SLA2: variants seen among roughly 807,000 people sequenced by gnomAD.
SLA2 encodes the protein Src like adaptor 2.
SLA2 carries 22 observed loss-of-function variants against 27.3 expected under a neutral mutation model. The observed-to-expected ratio is 0.81, with a 90% CI of 0.58 to 1.15. The LOEUF is 1.15. Ranked by LOEUF, SLA2 falls within the 50% of genes most tolerant of loss-of-function variation. SLA2 has a pLI of 0.00. For synonymous variants in SLA2, 131 were observed against 137.8 expected (o/e 0.95, Z 0.34); for missense variants, 304 against 322.2 (o/e 0.94, Z 0.43).
intron 7 of SLA2, 114 bp downstream of exon 7, chr20:36,614,191 C>T: frequency 6.4e-7 from 1 of 1,562,228 alleles, no homozygotes; most frequent in African/African-American, 1.4e-5. Context: ...ACTCTGGCTC[C>T]AGCTGCCAGG....
rs1401333058 is a variant in SLA2 at position 36,646,124 on chromosome 20, G to C, written c.-331C>G. The stretch of plus-strand genomic sequence containing the variant: ...CTCCCAAGCACAGCCGAGCCAGGGA[G>C]GGAAGGCCCAGGGCCCTTTGAGCTC... On this transcript the variant is annotated 5_prime_UTR_variant, in exon 1 of 8. Coordinates refer to ENST00000262866, the MANE Select transcript of SLA2 (RefSeq NM_032214.4). 1.3e-5 allele frequency: 2 copies of C among 152,310 alleles called. No homozygotes were observed. Among genetic ancestry groups the C allele is most frequent in the African/African-American group, 4.8e-5 (2 of 41,458 alleles). The allele number at this position is 152,310 out of a possible 1,614,324, so 9.4% of individuals were successfully genotyped here. A position where few individuals can be genotyped will look rare whatever the true frequency, so the allele number is the denominator to read the frequency against.
rs142255961 is a variant in SLA2 at position 36,643,844 on chromosome 20, C to T, written c.-44+1993G>A. Among the ~76,000 whole-genome samples, 175 of 152,132 alleles carry T rather than the reference C, an allele frequency of 1.2e-3. 1 individual carries two copies. The highest frequency in any genetic ancestry group is 6.8e-3 in the Middle Eastern group (2 of 292). On this transcript the variant is annotated intron_variant, in intron 1 of 7. Transcript: ENST00000262866. ...GTGGGTACCTGTAATCCCAGCTACT[C>T]GGGAGACCGAGGCAAAAGAATCACT...
At chr20:36,616,133 A>T (rs2039207113) in intron 5 of SLA2, among the ~76,000 whole-genome samples, 1 of 152,108 alleles carries the variant, frequency 6.6e-6, no homozygotes, top group Admixed American at 6.6e-5. Context: ...AAGAAAAGCA[A>T]CTGAATGATT....
At position 36,621,426 on chromosome 20, in the gene SLA2, A is replaced by G. The variant is rs2039281075; in HGVS notation, c.383-6052T>C. 3 of 533,668 alleles carry G rather than the reference A, an allele frequency of 5.6e-6. No individual in the cohort carries two copies. The East Asian group carries it at 1.4e-4, about 25-fold the overall frequency. The allele number at this position is 533,668 out of a possible 1,614,324, so 33.1% of individuals were successfully genotyped here. ...GATATAGTAGCAGAAGGTTCTAAAAACAGCAGAAAAAGGCTATAGTGTTGT... is the reference window on the plus strand; with the variant it reads ...GATATAGTAGCAGAAGGTTCTAAAAGCAGCAGAAAAAGGCTATAGTGTTGT... On this transcript the variant is annotated intron_variant, in intron 5 of 7. Coordinates refer to ENST00000262866, the MANE Select transcript of SLA2 (RefSeq NM_032214.4).
At chr20:36,639,807 G>T (rs1211728288) in intron 2 of SLA2, among the ~76,000 whole-genome samples, 1 of 151,792 alleles carries the variant, frequency 6.6e-6, no homozygotes, top group Non-Finnish European at 1.5e-5. Context: ...CTTGCAGTCA[G>T]CCAAGACTGT....
intron 2 of SLA2, among the ~76,000 whole-genome samples, chr20:36,638,493 T>G (rs985638378): frequency 1.3e-5 from 2 of 151,992 alleles, no homozygotes; most frequent in African/African-American, 4.8e-5. Flanking sequence ...CACGCCCGGC[T>G]AGTTTTTGTA....
At chr20:36,623,596 C>T (rs1470309443) in intron 5 of SLA2, among the ~76,000 whole-genome samples, 2 of 152,114 alleles carry the variant, frequency 1.3e-5, no homozygotes, top group Non-Finnish European at 2.9e-5. Context: ...AGTAGGGTCT[C>T]TGCTTCGTTT....
chr20:36,626,253 G>A (rs751869084), intron 5 of SLA2, among the ~76,000 whole-genome samples: 3 of 152,020 alleles, frequency 2.0e-5, no homozygotes, highest in African/African-American at 4.8e-5. Flanking sequence ...TTAGCTGGGC[G>A]TGGTGGCACG....
At chr20:36,639,860 CAAAAA>C (rs112908435) in intron 2 of SLA2, among the ~76,000 whole-genome samples, 1 of 130,962 alleles carries the variant, frequency 7.6e-6, no homozygotes, top group Non-Finnish European at 1.6e-5. Context: ...GACTCCGTCT[CAAAAA>C]AAAAAAGAAC....
At chr20:36,623,867 G>C (rs2039310074) in intron 5 of SLA2, among the ~76,000 whole-genome samples, 1 of 152,100 alleles carries the variant, frequency 6.6e-6, no homozygotes, top group African/African-American at 2.4e-5. Flanking sequence ...GGCTGGGAAT[G>C]CGCTAAATAT....
chr20:36,634,399 T>A, intron 3 of SLA2, 91 bp downstream of exon 3: 1 of 988,778 alleles, frequency 1.0e-6, no homozygotes, highest in East Asian at 2.7e-5. Context: ...TTCTCCCACC[T>A]AAGCCTCCCA....
chr20:36,637,193 ATTTTT>A (rs1175945445), intron 2 of SLA2, among the ~76,000 whole-genome samples: 1 of 87,966 alleles, frequency 1.1e-5, no homozygotes, highest in Non-Finnish European at 2.2e-5. Context: ...GCGTGTGTGT[ATTTTT>A]TTTTTTTTTT....
chr20:36,638,467 T>TAC (rs2039475334), intron 2 of SLA2, among the ~76,000 whole-genome samples: 1 of 152,004 alleles, frequency 6.6e-6, no homozygotes. Flanking sequence ...TAGCTGGGAC[T>TAC]ACAGGTGCAT....
At chr20:36,622,166 A>T (rs2039289808) in intron 5 of SLA2, among the ~76,000 whole-genome samples, 1 of 150,198 alleles carries the variant, frequency 6.7e-6, no homozygotes, top group Non-Finnish European at 1.5e-5. Flanking sequence ...AGCCAAGATC[A>T]TGCCACTGCA....
intron 5 of SLA2, among the ~76,000 whole-genome samples, chr20:36,619,091 G>C (rs887387313): frequency 4.0e-5 from 6 of 151,210 alleles, no homozygotes; most frequent in Admixed American, 4.0e-4. Flanking sequence ...AGCCAGGCTT[G>C]GTGCCAGTAA....
In SLA2 at chr20:36,612,748, G is replaced by T; in HGVS notation, c.*1118C>A. On this transcript the variant is annotated 3_prime_UTR_variant, in exon 8 of 8. Transcript: ENST00000262866. ...AAGGGCTGGATTTGGTGTAGGCTGT[G>T]GTCTCCGTCTTGGCATTGTGGAGAG... 5.2e-6 allele frequency: 1 copy of T among 194,146 alleles called. No homozygotes were observed. The highest frequency in any genetic ancestry group is 1.1e-5 in the Non-Finnish European group (1 of 91,926). The allele number at this position is 194,146 out of a possible 1,614,324, so 12.0% of individuals were successfully genotyped here. A position where few individuals can be genotyped will look rare whatever the true frequency, so the allele number is the denominator to read the frequency against.
intron 5 of SLA2, among the ~76,000 whole-genome samples, chr20:36,619,526 A>C (rs866068836): frequency 4.7e-5 from 7 of 148,894 alleles, no homozygotes; most frequent in Non-Finnish European, 1.0e-4. Flanking sequence ...ACTCTGTGTC[A>C]AAAAAAAAAT....
chr20:36,627,944 ATCAC>A (rs764399787), intron 5 of SLA2, among the ~76,000 whole-genome samples: 7 of 152,220 alleles, frequency 4.6e-5, no homozygotes, highest in African/African-American at 7.2e-5. Context: ...TGATCCTGGC[ATCAC>A]TCACTCACTT....
intron 6 of SLA2, 146 bp downstream of exon 6, chr20:36,615,079 G>A: frequency 6.8e-7 from 1 of 1,461,120 alleles, no homozygotes; most frequent in Non-Finnish European, 9.0e-7. Context: ...TGCATTTCTT[G>A]GCATAGGGAC....
Sources: allele counts gnomAD v4.1 joint callset (sites outside exome capture counted in the v4.1 genomes callset), GRCh38; gene constraint gnomAD v4.1.1; transcripts MANE v1.5; gene names NCBI Gene and HGNC (gene_info 2026-07-23, HGNC 2026-07-21).